BIRC6: variants seen among roughly 807,000 people sequenced by gnomAD.
BIRC6 encodes the protein baculoviral IAP repeat containing 6.
A neutral mutation model predicts 503.3 loss-of-function variants in BIRC6; 98 were observed. The observed-to-expected ratio is 0.19, with a 90% CI of 0.17 to 0.23. BIRC6 has a LOEUF of 0.23. Ranked by LOEUF, BIRC6 falls within the 10% of genes least tolerant of loss-of-function variation. BIRC6 has a pLI of 1.00. For missense variants in BIRC6, 5,360 were observed against 5,806.0 expected (o/e 0.92, Z 2.50); for synonymous variants, 2,240 against 2,078.7 (o/e 1.08, Z -2.11).
chr2:32,404,566 A>G (rs1031939550), intron 8 of BIRC6, among the ~76,000 whole-genome samples: 1 of 152,110 alleles, frequency 6.6e-6, no homozygotes, highest in Non-Finnish European at 1.5e-5. Flanking sequence ...TGCCTGCTTC[A>G]GCCTCCAAAA....
intron 48 of BIRC6, 43 bp from the exon 49 acceptor site, chr2:32,502,999 C>T (rs1235173397): frequency 6.5e-7 from 1 of 1,526,994 alleles, no homozygotes; most frequent in Non-Finnish European, 8.9e-7. Flanking sequence ...GTTGAACCAT[C>T]TGTCCTGAGA....
Position 32,597,812 on chromosome 2 carries a change from C to T in BIRC6, c.13674C>T (p.His4558=), listed in dbSNP as rs2061772487. 1.2e-6 allele frequency: 2 copies of T among 1,613,748 alleles called. No individual in the cohort carries two copies. Among genetic ancestry groups the T allele is most frequent in the Admixed American group, 1.7e-5 (1 of 60,006 alleles). The change falls in exon 69 of 74, where the codon CAC becomes CAT. Residue 4558 remains histidine (H), a synonymous_variant. Coordinates refer to ENST00000421745, the MANE Select transcript of BIRC6 (RefSeq NM_016252.4). ...DGKLGFKVNY[H]YMSQVKNAND... is the part of the protein sequence containing the mutation. ...AATTGGGATTTAAAGTAAATTACCACTACATGTCTCAGGTGAAAAATGCTA... is the reference window on the plus strand; with the variant it reads ...AATTGGGATTTAAAGTAAATTACCATTACATGTCTCAGGTGAAAAATGCTA...
rs1355679252 is a variant in BIRC6 at position 32,611,570 on chromosome 2, A to G, written c.14382A>G (p.Ala4794=). Residue 4794 remains alanine, a synonymous_variant, in exon 73 of 74, where the codon GCA becomes GCG. Transcript: ENST00000421745. Reference sequence around the variant, plus strand: ...TAGGCAGGACTATGTCTCACCATGCAGCAGCTCTCAAGGTGAGTAAGCCTC... The same window carrying G: ...TAGGCAGGACTATGTCTCACCATGCGGCAGCTCTCAAGGTGAGTAAGCCTC... ...KRVGRTMSHH[A]AALKRHTAQL... is the part of the protein sequence containing the mutation. 2 of 1,585,408 alleles carry G rather than the reference A, an allele frequency of 1.3e-6. No homozygotes were observed. The highest frequency in any genetic ancestry group is 2.3e-5 in the South Asian group (2 of 86,802).
At chr2:32,534,292 T>G (rs2057017888) in intron 61 of BIRC6, among the ~76,000 whole-genome samples, 1 of 149,076 alleles carries the variant, frequency 6.7e-6, no homozygotes, top group Non-Finnish European at 1.5e-5. Flanking sequence ...GAGAATTGCT[T>G]GAACCCGGGA....
At chr2:32,368,823 A>T (rs955242233) in intron 1 of BIRC6, among the ~76,000 whole-genome samples, 2 of 151,940 alleles carry the variant, frequency 1.3e-5, no homozygotes, top group Non-Finnish European at 2.9e-5. Context: ...AGCTAATTTT[A>T]GTACTTTTAA....
In BIRC6 at chr2:32,395,210, C is replaced by T. The variant is rs2039736918; in HGVS notation, c.952-301C>T. 2.0e-5 allele frequency among the ~76,000 whole-genome samples: 3 copies of T among 152,110 alleles called. No homozygotes were observed. The South Asian group carries it at 6.2e-4, about 32-fold the overall frequency. On this transcript the variant is annotated intron_variant, in intron 5 of 73. Transcript: ENST00000421745. ...ATAGTGTAAACCAGCCAGACTCTTT[C>T]TCTTATACTTAATATTTCAGATGCT...
In BIRC6 at chr2:32,380,071, C is replaced by A. The variant is rs1036090826; in HGVS notation, c.508-82C>A. Reference sequence around the variant, plus strand: ...TCATAATCATTGCATATTAAAATATCTGAAAGAGGATCTGAATTTAATTTT... The same window carrying A: ...TCATAATCATTGCATATTAAAATATATGAAAGAGGATCTGAATTTAATTTT... On this transcript the variant is annotated intron_variant, in intron 2 of 73. Transcript: ENST00000421745. 6.1e-6 allele frequency: 6 copies of A among 990,902 alleles called. No individual in the cohort carries two copies. In the African/African-American group the frequency reaches 8.2e-5, roughly 14 times the overall value. 61.4% of individuals were successfully genotyped at this position (990,902 alleles called of 1,614,324 possible). A position where few individuals can be genotyped will look rare whatever the true frequency, so the allele number is the denominator to read the frequency against.
rs538794164 is a variant in BIRC6, at chr2:32,535,045, C to T, written c.12291+3494C>T. ...AAGACAGCTGGCCACTGCAGTGCAT[C>T]TCTGAAATCCCAGCTACTCAGGAGA... On this transcript the variant is annotated intron_variant, in intron 61 of 73. Coordinates refer to ENST00000421745, the MANE Select transcript of BIRC6 (RefSeq NM_016252.4). 2.4e-4 allele frequency among the ~76,000 whole-genome samples: 36 copies of T among 149,220 alleles called. No homozygotes were observed. In the South Asian group the frequency reaches 6.8e-3, roughly 28 times the overall value.
chr2:32,589,649 C>G (rs1380408567), intron 66 of BIRC6, among the ~76,000 whole-genome samples: 1 of 152,136 alleles, frequency 6.6e-6, no homozygotes, highest in African/African-American at 2.4e-5. Flanking sequence ...TGGTGGTAAA[C>G]AAGTTCAGTT....
chr2:32,543,400 T>A lies in BIRC6; in HGVS notation c.12451T>A (p.Ser4151Thr), dbSNP rs199654826. The stretch of plus-strand genomic sequence containing the variant: ...TATCAAGTCAGCAGTACAGACCATG[T>A]CTCCCATACCTGCCCATTCTTTGGC... ...PPIKSAVQTM[S>T]PIPAHSLAAF... is the part of the protein sequence containing the mutation. Residue 4151 changes from serine (S) to threonine (T), a missense_variant, in exon 62 of 74, where the codon TCT becomes ACT. Coordinates refer to ENST00000421745, the MANE Select transcript of BIRC6 (RefSeq NM_016252.4). 2.9e-4 allele frequency: 467 copies of A among 1,614,014 alleles called. No individual in the cohort carries two copies. The highest frequency in any genetic ancestry group is 3.5e-4 in the Non-Finnish European group (418 of 1,179,902).
Position 32,543,796 on chromosome 2 carries a change from T to C in BIRC6, c.12592+255T>C, listed in dbSNP as rs115918038. ...GGGCATCACTGGGGGGATGTAAACA[T>C]GAAGCAGTTATTTAGAGCTACCCCC... is the stretch of plus-strand genomic sequence containing the variant. On this transcript the variant is annotated intron_variant, in intron 62 of 73. Transcript: ENST00000421745. Among the ~76,000 whole-genome samples the C allele has an allele frequency of 5.5e-3, 842 of 152,310 alleles. 11 individuals carry two copies. The highest frequency in any genetic ancestry group is 0.019 in the African/African-American group (791 of 41,570).
At chr2:32,360,331 G>A (rs918743737) in intron 1 of BIRC6, among the ~76,000 whole-genome samples, 5 of 152,138 alleles carry the variant, frequency 3.3e-5, no homozygotes, top group Non-Finnish European at 7.3e-5. Flanking sequence ...TATATTATCT[G>A]TATCTGATAT....
intron 68 of BIRC6, among the ~76,000 whole-genome samples, chr2:32,596,255 G>T (rs2151438330): frequency 6.6e-6 from 1 of 152,046 alleles, no homozygotes; most frequent in East Asian, 1.9e-4. Flanking sequence ...GGCCGAGGTG[G>T]GCGGTCACGA....
chr2:32,404,753 C>T (rs2041005398), intron 8 of BIRC6, among the ~76,000 whole-genome samples: 2 of 152,020 alleles, frequency 1.3e-5, no homozygotes, highest in African/African-American at 4.8e-5. Context: ...CCTTTACCTC[C>T]TGGGCTCAAG....
At chr2:32,547,403 A>G (rs2058125168) in intron 63 of BIRC6, among the ~76,000 whole-genome samples, 2 of 152,152 alleles carry the variant, frequency 1.3e-5, no homozygotes, top group East Asian at 3.8e-4. Flanking sequence ...ACCAGTCTGC[A>G]TTCTGTCTCC....
At chr2:32,572,417 T>C (rs978012519) in intron 65 of BIRC6, among the ~76,000 whole-genome samples, 5 of 152,212 alleles carry the variant, frequency 3.3e-5, no homozygotes, top group Non-Finnish European at 7.3e-5. Flanking sequence ...GAAAACAGTA[T>C]TGTATTGAAC....
intron 32 of BIRC6, among the ~76,000 whole-genome samples, chr2:32,471,912 GT>G (rs1191991678): frequency 6.6e-6 from 1 of 152,116 alleles, no homozygotes; most frequent in African/African-American, 2.4e-5. Flanking sequence ...AGTGGAATCA[GT>G]TGTTTATAGT....
intron 46 of BIRC6, 114 bp downstream of exon 46, chr2:32,500,223 C>A: frequency 1.1e-6 from 1 of 891,660 alleles, no homozygotes; most frequent in Non-Finnish European, 1.7e-6. Flanking sequence ...CTGCTTTAAG[C>A]TTTTCATGAC....
rs191305879 is a variant in BIRC6 at position 32,445,719 on chromosome 2, C to T, written c.4484+51C>T. 2.8e-4 allele frequency: 365 copies of T among 1,312,208 alleles called. 1 individual carries two copies. The African/African-American group carries it at 5.0e-3, about 18-fold the overall frequency. 81.3% of individuals were successfully genotyped at this position (1,312,208 alleles called of 1,614,324 possible). ...TAATAGGCGTCTCTGAGTATGATCA[C>T]GCTTTTGCAGAGAACTGTTATTTAA... On this transcript the variant is annotated intron_variant, in intron 21 of 73. Coordinates refer to ENST00000421745, the MANE Select transcript of BIRC6 (RefSeq NM_016252.4).
Sources: allele counts gnomAD v4.1 joint callset (sites outside exome capture counted in the v4.1 genomes callset), GRCh38; gene constraint gnomAD v4.1.1; transcripts MANE v1.5; gene names NCBI Gene and HGNC (gene_info 2026-07-23, HGNC 2026-07-21).